Variants in TULP4 observed in about 807,000 individuals in gnomAD.
TULP4 encodes the protein TUB like protein 4.
In TULP4, 16 loss-of-function variants were observed where a neutral mutation model predicts 129.0. That is an observed-to-expected ratio of 0.12 (90% CI 0.08 to 0.19). The LOEUF (loss-of-function observed/expected upper bound fraction) is 0.19. Among genes scored for constraint, TULP4 ranks in the 10% least tolerant of loss-of-function variants. TULP4 has a pLI of 1.00. For missense variants in TULP4, 1,842 were observed against 2,059.1 expected, an observed-to-expected ratio of 0.89 and a Z score of 2.04; for synonymous variants, 998 against 854.0, an observed-to-expected ratio of 1.17 and a Z score of -2.94.
intron 1 of TULP4, among the ~76,000 whole-genome samples, chr6:158,246,408 C>T (rs262822): frequency 1.3e-5 from 2 of 151,452 alleles, no homozygotes; most frequent in South Asian, 4.2e-4. Flanking sequence ...AGGAGAATGG[C>T]GTGAACCCAG....
chr6:158,310,043 C>A (rs938705133), upstream of TULP4, among the ~76,000 whole-genome samples: 1 of 152,206 alleles, frequency 6.6e-6, no homozygotes, highest in Non-Finnish European at 1.5e-5. Flanking sequence ...GCCAAATATC[C>A]CAGCTGGAAC....
chr6:158,242,680 G>A, intron 1 of TULP4: 1 of 623,416 alleles, frequency 1.6e-6, no homozygotes, highest in Non-Finnish European at 3.0e-6. Context: ...ACTTTACAAT[G>A]CAGGCCAGTT....
chr6:158,330,199 A>G (rs1779846451), intron 1 of TULP4, among the ~76,000 whole-genome samples: 1 of 152,228 alleles, frequency 6.6e-6, no homozygotes, highest in Middle Eastern at 3.2e-3. Context: ...CCACACTGGC[A>G]AGTGCCCAGT....
At chr6:158,408,899 T>G (rs996410594) in intron 1 of TULP4, among the ~76,000 whole-genome samples, 1 of 152,232 alleles carries the variant, frequency 6.6e-6, no homozygotes, top group Non-Finnish European at 1.5e-5. Flanking sequence ...AATTGCAGAA[T>G]AAGAAGAACA....
chr6:158,452,073 G>A lies in TULP4; in HGVS notation c.725-61G>A, dbSNP rs1779173884. The A allele has an allele frequency of 8.2e-6, 13 of 1,590,744 alleles. No individual in the cohort carries two copies. In the South Asian group the frequency reaches 1.1e-4, roughly 14 times the overall value. On this transcript the variant is annotated intron_variant, in intron 4 of 13. Coordinates refer to ENST00000367097, the MANE Select transcript of TULP4 (RefSeq NM_020245.5). ...AGGCACCATGCAAGATTTCAGCTTTGGGAACCTGGATTTGGGTGGTGTGCT... is the reference window on the plus strand; with the variant it reads ...AGGCACCATGCAAGATTTCAGCTTTAGGAACCTGGATTTGGGTGGTGTGCT...
At chr6:158,499,432 A>G (rs1451028966) in intron 12 of TULP4, among the ~76,000 whole-genome samples, 2 of 152,250 alleles carry the variant, frequency 1.3e-5, no homozygotes, top group African/African-American at 4.8e-5. Flanking sequence ...ATCAATATCC[A>G]TAGCATCTTA....
At chr6:158,298,759 A>G (rs1562510092) in intron 1 of TULP4, among the ~76,000 whole-genome samples, 1 of 142,096 alleles carries the variant, frequency 7.0e-6, no homozygotes, top group Non-Finnish European at 1.6e-5. Context: ...GTTGGCGGTA[A>G]ACAAAGCAGA....
At chr6:158,499,667 C>A (rs1234077231) in intron 12 of TULP4, among the ~76,000 whole-genome samples, 1 of 152,126 alleles carries the variant, frequency 6.6e-6, no homozygotes, top group Non-Finnish European at 1.5e-5. Flanking sequence ...TGTTTCTGAG[C>A]TAGAGGAACC....
rs868323784 is a variant in TULP4 at position 158,240,371 on chromosome 6, C to A, written n.68+8068C>A. ...TGACTCCCCCACCTCCCTCCCGGAC[C>A]GGGCGGCTGGCCGGGCAGAGGGGCT... On this transcript the variant is annotated intron_variant and non_coding_transcript_variant, in intron 1 of 1. Transcript: ENST00000620026. 1.4e-4 allele frequency among the ~76,000 whole-genome samples: 7 copies of A among 49,530 alleles called. 1 individual carries two copies. Among genetic ancestry groups the A allele is most frequent in the African/African-American group, 2.2e-4 (3 of 13,610 alleles). 32.5% of individuals were successfully genotyped at this position (49,530 alleles called of 152,430 possible). A position where few individuals can be genotyped will look rare whatever the true frequency, so the allele number is the denominator to read the frequency against.
At chr6:158,456,572 G>A (rs1297551050) in intron 5 of TULP4, among the ~76,000 whole-genome samples, 3 of 152,254 alleles carry the variant, frequency 2.0e-5, no homozygotes, top group African/African-American at 4.8e-5. Flanking sequence ...GATGGCTCAC[G>A]CCTGTAATCC....
intron 3 of TULP4, among the ~76,000 whole-genome samples, chr6:158,441,980 C>T (rs141505818): frequency 6.6e-6 from 1 of 152,342 alleles, no homozygotes; most frequent in Non-Finnish European, 1.5e-5. Context: ...AGAGCCTAAT[C>T]GCGTTGACAG....
At chr6:158,481,312 TG>T in intron 8 of TULP4, 23 bp downstream of exon 8, 1 of 1,597,280 alleles carries the variant, frequency 6.3e-7, no homozygotes, top group Non-Finnish European at 8.5e-7. Context: ...CCCGAGGGAC[TG>T]GGACCTTGTT....
chr6:158,242,502 G>T, intron 1 of TULP4: 2 of 792,128 alleles, frequency 2.5e-6, no homozygotes, highest in Non-Finnish European at 4.6e-6. Flanking sequence ...CAGTTTGTCT[G>T]TCTGCCGGTT....
At chr6:158,306,414 C>T (rs920611582) in intron 1 of TULP4, among the ~76,000 whole-genome samples, 17 of 152,094 alleles carry the variant, frequency 1.1e-4, no homozygotes, top group African/African-American at 3.9e-4. Context: ...AAAAGTTAGC[C>T]GGGCATGGCG....
At chr6:158,276,570 G>T (rs1415948219) in intron 1 of TULP4, among the ~76,000 whole-genome samples, 1 of 151,874 alleles carries the variant, frequency 6.6e-6, no homozygotes, top group Non-Finnish European at 1.5e-5. Flanking sequence ...CAATGGAATG[G>T]TAAACATGAC....
chr6:158,242,471 C>T, intron 1 of TULP4: 1 of 871,056 alleles, frequency 1.1e-6, no homozygotes, highest in Admixed American at 1.7e-5. Context: ...AACGGTGTAA[C>T]ACTTATCCAT....
At chr6:158,292,013 G>C (rs1027506919) in intron 1 of TULP4, among the ~76,000 whole-genome samples, 1 of 152,160 alleles carries the variant, frequency 6.6e-6, no homozygotes, top group Non-Finnish European at 1.5e-5. Flanking sequence ...GACTTATTTT[G>C]TGTGTTTAGT....
At chr6:158,469,212 G>A (rs1330728641) in intron 6 of TULP4, among the ~76,000 whole-genome samples, 1 of 151,978 alleles carries the variant, frequency 6.6e-6, no homozygotes, top group Non-Finnish European at 1.5e-5. Flanking sequence ...CAGAGAGATT[G>A]TAAGAGATTT....
chr6:158,338,990 G>GAGTCTTACACTTGGGAAAA (rs1319443026), intron 1 of TULP4, among the ~76,000 whole-genome samples: 1 of 152,148 alleles, frequency 6.6e-6, no homozygotes, highest in Non-Finnish European at 1.5e-5. Context: ...ATGTAAGACT[G>GAGTCTTACACTTGGGAAAA]AGTCTTACAC....
Sources: allele counts gnomAD v4.1 joint callset (sites outside exome capture counted in the v4.1 genomes callset), GRCh38; gene constraint gnomAD v4.1.1; transcripts MANE v1.5; gene names NCBI Gene and HGNC (gene_info 2026-07-23, HGNC 2026-07-21).